Variants in NETO2 observed in about 807,000 individuals in gnomAD.
NETO2 encodes neuropilin and tolloid like 2.
In NETO2, 28 loss-of-function variants were observed where a neutral mutation model predicts 62.5. The observed-to-expected ratio is 0.45, with a 90% CI of 0.33 to 0.61. The LOEUF (loss-of-function observed/expected upper bound fraction) is 0.61, where lower values mean the gene tolerates loss of function less well. Among genes scored for constraint, NETO2 ranks in the 20% least tolerant of loss-of-function variants. The pLI is 0.02. For missense variants in NETO2, 548 were observed against 643.2 expected (o/e 0.85, Z 1.60); for synonymous variants, 214 against 219.1 (o/e 0.98, Z 0.21).
rs191772870 is a variant in NETO2, at chr16:47,137,640, A to G, written c.35-5615T>C. ...AGGGACCTTGGACCTCTTTGCTTCCATGAAAGTACATTTTCTAAAACCTGC... is the reference window on the plus strand; with the variant it reads ...AGGGACCTTGGACCTCTTTGCTTCCGTGAAAGTACATTTTCTAAAACCTGC... On this transcript the variant is annotated intron_variant, in intron 1 of 8. Transcript: ENST00000562435. Among the ~76,000 whole-genome samples the G allele has an allele frequency of 6.6e-5, 10 of 152,308 alleles. No individual in the cohort carries two copies. In the East Asian group the frequency reaches 1.7e-3, roughly 26 times the overall value.
Position 47,083,675 on chromosome 16 carries a change from T to C in NETO2, c.1124A>G (p.Lys375Arg). 1 of 1,614,210 alleles carries C rather than the reference T, an allele frequency of 6.2e-7. No homozygotes were observed. The highest frequency in any genetic ancestry group is 8.5e-7 in the Non-Finnish European group (1 of 1,180,044). Residue 375 changes from lysine to arginine, a missense_variant, in exon 9 of 9, where the codon AAA becomes AGA. Lys to Arg is a conservative substitution (Grantham distance 26, BLOSUM62 2). Transcript: ENST00000562435. ...AGCGGTTTTGCAAGCCATGACCTTT[T>C]TTCGAGGCTGTTTCACTTGTACTAA... ...SILVQVKQPR[K>R]KVMACKTAFN...
Position 47,094,954 on chromosome 16 carries a change from C to A in NETO2, c.884-8615G>T, listed in dbSNP as rs138228636. ...CAAACTCCTGAGCTCAAGCGATCCA[C>A]CCGCCTCGGCCTCACAAAAGCTGGA... On this transcript the variant is annotated intron_variant, in intron 7 of 8. Transcript: ENST00000562435. Among the ~76,000 whole-genome samples the A allele has an allele frequency of 7.9e-5, 12 of 152,260 alleles. No homozygotes were observed. In the East Asian group the frequency reaches 1.5e-3, roughly 20 times the overall value.
At chr16:47,100,646 A>G (rs1963520854) in intron 7 of NETO2, among the ~76,000 whole-genome samples, 1 of 152,232 alleles carries the variant, frequency 6.6e-6, no homozygotes, top group South Asian at 2.1e-4. Context: ...ACAGAAATAG[A>G]AATTACCATC....
intron 7 of NETO2, among the ~76,000 whole-genome samples, chr16:47,099,680 A>C (rs1963502073): frequency 6.6e-6 from 1 of 152,202 alleles, no homozygotes; most frequent in South Asian, 2.1e-4. Context: ...GATAAAACAG[A>C]CTTTAAACTA....
chr16:47,135,857 G>A (rs1964353614), intron 1 of NETO2, among the ~76,000 whole-genome samples: 1 of 151,976 alleles, frequency 6.6e-6, no homozygotes, highest in Non-Finnish European at 1.5e-5. Flanking sequence ...ATTATTTATA[G>A]ATTTCAATGT....
At chr16:47,143,447 C>G in intron 1 of NETO2, 132 bp downstream of exon 1, 1 of 1,096,216 alleles carries the variant, frequency 9.1e-7, no homozygotes, top group South Asian at 4.6e-5. Context: ...CTCCGAGTAG[C>G]CGCGAGCCCC....
intron 1 of NETO2, among the ~76,000 whole-genome samples, chr16:47,136,382 AAT>A (rs1964361431): frequency 6.6e-6 from 1 of 152,118 alleles, no homozygotes; most frequent in East Asian, 1.9e-4. Context: ...AAAGCTCAGA[AAT>A]AGATATATAT....
chr16:47,082,212 C>G lies in NETO2; in HGVS notation c.*1009G>C, dbSNP rs1963078871. On this transcript the variant is annotated 3_prime_UTR_variant, in exon 9 of 9. Coordinates refer to ENST00000562435, the MANE Select transcript of NETO2 (RefSeq NM_018092.5). Reference sequence around the variant, plus strand: ...TGTCATGTCCCAGTTAAGAAGCAATCTCAAGGCTCATCCAATTTCTAAGGA... The same window carrying G: ...TGTCATGTCCCAGTTAAGAAGCAATGTCAAGGCTCATCCAATTTCTAAGGA... 1 of 152,612 alleles carries G rather than the reference C, an allele frequency of 6.6e-6. No individual in the cohort carries two copies. The highest frequency in any genetic ancestry group is 2.4e-5 in the African/African-American group (1 of 41,454). The allele number at this position is 152,612 out of a possible 1,614,324, so 9.5% of individuals were successfully genotyped here.
intron 6 of NETO2, among the ~76,000 whole-genome samples, chr16:47,118,733 T>C (rs1292814622): frequency 6.6e-6 from 1 of 152,246 alleles, no homozygotes; most frequent in Non-Finnish European, 1.5e-5. Context: ...CTTATTTTAT[T>C]TGTCTCTCCT....
At chr16:47,086,624 T>C (rs1054978697) in intron 7 of NETO2, among the ~76,000 whole-genome samples, 75 of 152,302 alleles carry the variant, frequency 4.9e-4, no homozygotes, top group Middle Eastern at 3.4e-3. Flanking sequence ...GATTTTTTTT[T>C]CCAAAACTTT....
intron 1 of NETO2, among the ~76,000 whole-genome samples, chr16:47,138,948 CTT>C (rs1256851604): frequency 3.3e-5 from 5 of 152,246 alleles, no homozygotes; most frequent in Admixed American, 1.3e-4. Context: ...CCTAGAATCT[CTT>C]TGGCTGATTC....
At position 47,129,369 on chromosome 16, in the gene NETO2, G is replaced by C; in HGVS notation, c.92-5C>G. The C allele has an allele frequency of 6.2e-7, 1 of 1,613,130 alleles. No individual in the cohort carries two copies. Among genetic ancestry groups the C allele is most frequent in the Non-Finnish European group, 8.5e-7 (1 of 1,179,764 alleles). Reference sequence around the variant, plus strand: ...TGATTCCAATATTTTGTCCATCTTAGGGAAAAACGGCATTTAAAACACTCA... The same window carrying C: ...TGATTCCAATATTTTGTCCATCTTACGGAAAAACGGCATTTAAAACACTCA... On this transcript the variant is annotated splice_polypyrimidine_tract_variant and splice_region_variant and intron_variant, in intron 2 of 8. Transcript: ENST00000562435.
rs1963134954 is a variant in NETO2 at position 47,084,234 on chromosome 16, A to G, written c.998-433T>C. ...CTAACATCATCAGACTAACCCATCC[A>G]GTATATTATCATGACCTACTGTTTT... On this transcript the variant is annotated intron_variant, in intron 8 of 8. Coordinates refer to ENST00000562435, the MANE Select transcript of NETO2 (RefSeq NM_018092.5). Among the ~76,000 whole-genome samples, 3 of 152,236 alleles carry G rather than the reference A, an allele frequency of 2.0e-5. No homozygotes were observed. The South Asian group carries it at 6.2e-4, about 31-fold the overall frequency.
At chr16:47,115,202 T>G (rs1963884131) in intron 6 of NETO2, among the ~76,000 whole-genome samples, 1 of 152,224 alleles carries the variant, frequency 6.6e-6, no homozygotes, top group South Asian at 2.1e-4. Flanking sequence ...TTCAGAATAA[T>G]TTTGGCTTCT....
intron 1 of NETO2, among the ~76,000 whole-genome samples, chr16:47,142,924 A>AGC (rs1442479311): frequency 6.6e-6 from 1 of 152,000 alleles, no homozygotes; most frequent in Non-Finnish European, 1.5e-5. Flanking sequence ...GAGCGCGAGG[A>AGC]GCGCCGCGTC....
chr16:47,120,502 G>C (rs933697786), intron 6 of NETO2, among the ~76,000 whole-genome samples: 1 of 152,128 alleles, frequency 6.6e-6, no homozygotes, highest in Non-Finnish European at 1.5e-5. Flanking sequence ...CATTTATCAT[G>C]TGTTACAAAT....
intron 7 of NETO2, among the ~76,000 whole-genome samples, chr16:47,102,821 G>T (rs1377902647): frequency 6.6e-6 from 1 of 152,174 alleles, no homozygotes; most frequent in Non-Finnish European, 1.5e-5. Flanking sequence ...TGGATAAACA[G>T]GAGCTCTTTT....
chr16:47,129,361 C>T lies in NETO2; in HGVS notation c.95G>A (p.Gly32Glu). 1.2e-6 allele frequency: 2 copies of T among 1,613,576 alleles called. No individual in the cohort carries two copies. Among genetic ancestry groups the T allele is most frequent in the African/African-American group, 1.3e-5 (1 of 75,002 alleles). ...GIAVAQKTQD[G>E]QNIGIKHIPA... ...AATATGCTTGATTCCAATATTTTGT[C>T]CATCTTAGGGAAAAACGGCATTTAA... is the stretch of plus-strand genomic sequence containing the variant. The change falls in exon 3 of 9, where the codon GGA becomes GAA. Residue 32 changes from glycine (G) to glutamate (E), a missense_variant. Transcript: ENST00000562435.
rs1037299849 is a variant in NETO2 at position 47,143,827 on chromosome 16, C to T, written c.-215G>A. On this transcript the variant is annotated 5_prime_UTR_variant, in exon 1 of 9. Coordinates refer to ENST00000562435, the MANE Select transcript of NETO2 (RefSeq NM_018092.5). ...GCGGCCCGAGCACCCCGACGGGCGC[C>T]GCCTCCTGCTCCGCGGCGCCCCGTC... is the stretch of plus-strand genomic sequence containing the variant. 60 of 493,014 alleles carry T rather than the reference C, an allele frequency of 1.2e-4. No individual in the cohort carries two copies. Among genetic ancestry groups the T allele is most frequent in the Admixed American group, 3.0e-4 (6 of 20,206 alleles). The allele number at this position is 493,014 out of a possible 1,614,324, so 30.5% of individuals were successfully genotyped here.
Sources: allele counts gnomAD v4.1 joint callset (sites outside exome capture counted in the v4.1 genomes callset), GRCh38; gene constraint gnomAD v4.1.1; transcripts MANE v1.5; gene names NCBI Gene and HGNC (gene_info 2026-07-23, HGNC 2026-07-21).